Variants in CCDC183 observed in about 807,000 individuals in gnomAD.
The protein encoded by CCDC183 is coiled-coil domain containing 183.
A neutral mutation model predicts 65.2 loss-of-function variants in CCDC183; 63 were observed. The observed-to-expected ratio is 0.97, with a 90% CI of 0.79 to 1.19. The LOEUF is 1.19. CCDC183 is among the 50% of genes most tolerant of loss of function. The pLI is 0.00. For missense variants in CCDC183, 769 were observed against 689.3 expected (o/e 1.12, Z -1.30); for synonymous variants, 323 against 276.5 (o/e 1.17, Z -1.67).
intron 1 of CCDC183, among the ~76,000 whole-genome samples, chr9:136,798,359 G>A (rs1847684705): frequency 6.6e-6 from 1 of 151,506 alleles, no homozygotes; most frequent in Non-Finnish European, 1.5e-5. Flanking sequence ...GGAGTGCAGT[G>A]GTGCAATCTC....
rs527303480 is a variant in CCDC183, at chr9:136,797,867, C to T, written c.71-1235C>T. Among the ~76,000 whole-genome samples the T allele has an allele frequency of 2.4e-4, 36 of 152,302 alleles. No homozygotes were observed. In the South Asian group the frequency reaches 4.8e-3, roughly 20 times the overall value. On this transcript the variant is annotated intron_variant, in intron 1 of 13. Coordinates refer to ENST00000338005, the MANE Select transcript of CCDC183 (RefSeq NM_001039374.5). Reference sequence around the variant, plus strand: ...ACAGAGTCTCGCTCTGTCACGCAGGCTCGAGTGCAGTGGCATGATCTCGGC... The same window carrying T: ...ACAGAGTCTCGCTCTGTCACGCAGGTTCGAGTGCAGTGGCATGATCTCGGC...
At position 136,799,527 on chromosome 9, in the gene CCDC183, T is replaced by C. The variant is rs759618612; in HGVS notation, c.193-186T>C. The C allele has an allele frequency of 5.6e-4, 381 of 676,976 alleles. 3 individuals are homozygous for C. The highest frequency in any genetic ancestry group is 1.7e-4 in the Non-Finnish European group (68 of 401,980). The allele number at this position is 676,976 out of a possible 1,614,324, so 41.9% of individuals were successfully genotyped here. A position where few individuals can be genotyped will look rare whatever the true frequency, so the allele number is the denominator to read the frequency against. The stretch of plus-strand genomic sequence containing the variant: ...CCAGGCCCTCCTCTGCATACCCCCC[T>C]ACCACGTCGCCTCCGAACTTGGATG... On this transcript the variant is annotated intron_variant, in intron 2 of 13. Transcript: ENST00000338005.
At chr9:136,806,374 C>A in intron 10 of CCDC183, 130 bp from the exon 11 acceptor site, 1 of 1,401,440 alleles carries the variant, frequency 7.1e-7, no homozygotes, top group Non-Finnish European at 9.8e-7. Context: ...GGGGACTCCA[C>A]TTGCACACAC....
intron 1 of CCDC183, among the ~76,000 whole-genome samples, chr9:136,797,121 G>A (rs771704584): frequency 6.6e-4 from 100 of 152,354 alleles, no homozygotes; most frequent in Non-Finnish European, 4.4e-4. Flanking sequence ...CTAGAGGCAA[G>A]ATATGCTGGC....
rs11432245 is a variant in CCDC183, at chr9:136,803,282, T to TG, written c.666+500dup. The stretch of plus-strand genomic sequence containing the variant: ...TCAAGGTGAGCTCAGGGCCCAGGGC[T>TG]GGGGCCCCCCAGGGCGGGCTCTCTT... On this transcript the variant is annotated intron_variant, in intron 6 of 13. Transcript: ENST00000338005. Among the ~76,000 whole-genome samples the TG allele has an allele frequency of 3.4e-3, 128 of 37,992 alleles. 28 individuals carry two copies. Among genetic ancestry groups the TG allele is most frequent in the Middle Eastern group, 0.03 (2 of 66 alleles). The allele number at this position is 37,992 out of a possible 152,430, so 24.9% of individuals were successfully genotyped here. A position where few individuals can be genotyped will look rare whatever the true frequency, so the allele number is the denominator to read the frequency against.
chr9:136,797,768 T>A (rs1489592964), intron 1 of CCDC183, among the ~76,000 whole-genome samples: 1 of 152,154 alleles, frequency 6.6e-6, no homozygotes, highest in Non-Finnish European at 1.5e-5. Context: ...TCAGTCTTCA[T>A]CCCACCTGAC....
At chr9:136,796,978 A>G (rs181443696) in intron 1 of CCDC183, among the ~76,000 whole-genome samples, 49 of 152,288 alleles carry the variant, frequency 3.2e-4, no homozygotes, top group Non-Finnish European at 6.0e-4. Context: ...GTAGTGAAAG[A>G]GGGAGGCCTC....
Position 136,799,797 on chromosome 9 carries a change from A to G in CCDC183, c.270+7A>G. 1.9e-6 allele frequency: 3 copies of G among 1,611,910 alleles called. No individual in the cohort carries two copies. In the South Asian group the frequency reaches 3.3e-5, roughly 18 times the overall value. On this transcript the variant is annotated splice_region_variant and intron_variant, in intron 3 of 13. Coordinates refer to ENST00000338005, the MANE Select transcript of CCDC183 (RefSeq NM_001039374.5). ...CTGCCGCAGCACCATGGAGGTAACC[A>G]GGCAGGAGGGGCCTCGAGACCCAAC...
chr9:136,798,038 C>T (rs888358840), intron 1 of CCDC183, among the ~76,000 whole-genome samples: 2 of 152,224 alleles, frequency 1.3e-5, no homozygotes, highest in Non-Finnish European at 2.9e-5. Context: ...CGCAGTCTCG[C>T]TCTGTCACCC....
Position 136,806,847 on chromosome 9 carries a change from A to T in CCDC183, c.1369A>T (p.Met457Leu), listed in dbSNP as rs771594211. ...CACGTACCTGGCTGACAGAGTGCAG[A>T]TGGTGTCCAGGACCGAGGAGGTAGC... ...KLTYLADRVQ[M>L]VSRTEEGDTK... The change falls in exon 12 of 14, where the codon ATG (methionine) becomes TTG (leucine). Residue 457 changes from methionine to leucine, a missense_variant. Coordinates refer to ENST00000338005, the MANE Select transcript of CCDC183 (RefSeq NM_001039374.5). 9 of 1,613,362 alleles carry T rather than the reference A, an allele frequency of 5.6e-6. No individual in the cohort carries two copies. In the African/African-American group the frequency reaches 1.2e-4, roughly 22 times the overall value.
At chr9:136,799,829 C>T (rs373554114) in intron 3 of CCDC183, 39 bp downstream of exon 3, 15 of 1,569,344 alleles carry the variant, frequency 9.6e-6, no homozygotes, top group Non-Finnish European at 2.6e-6. Flanking sequence ...CAACCCTCCC[C>T]ACCCCTGCCA....
intron 2 of CCDC183, 149 bp downstream of exon 2, chr9:136,799,372 T>C (rs1161087687): frequency 7.9e-6 from 10 of 1,267,446 alleles, no homozygotes; most frequent in Non-Finnish European, 1.1e-5. Context: ...CTAGGACCTG[T>C]GCCCTGGGCT....
At chr9:136,806,479 G>A (rs1847852478) in intron 10 of CCDC183, 25 bp from the exon 11 acceptor site, 7 of 1,612,966 alleles carry the variant, frequency 4.3e-6, no homozygotes, top group Non-Finnish European at 5.9e-6. Flanking sequence ...GCCCCTCACT[G>A]CTGTGTCCCT....
intron 5 of CCDC183, 73 bp from the exon 6 acceptor site, chr9:136,802,587 TCTTA>T (rs1847753045): frequency 2.6e-6 from 4 of 1,534,704 alleles, no homozygotes; most frequent in Middle Eastern, 2.0e-4. Flanking sequence ...TTCTCAGGGC[TCTTA>T]GTCGGGGGAT....
In CCDC183 at chr9:136,804,662, TC is replaced by T; in HGVS notation, c.792+39del. The T allele has an allele frequency of 2.5e-6, 4 of 1,612,836 alleles. No individual in the cohort carries two copies. Among genetic ancestry groups the T allele is most frequent in the Non-Finnish European group, 3.4e-6 (4 of 1,179,456 alleles). On this transcript the variant is annotated intron_variant, in intron 7 of 13. Coordinates refer to ENST00000338005, the MANE Select transcript of CCDC183 (RefSeq NM_001039374.5). This position sits in a 1 kb window ranked among gnomAD's most constrained non-coding sequence, Gnocchi z 4.1. ...AGGCCAGGGCCTGGCTGGCTGCCCATCCCCATGACAGCTGGGTGGACACAGG... is the reference window on the plus strand; with the variant it reads ...AGGCCAGGGCCTGGCTGGCTGCCCATCCCATGACAGCTGGGTGGACACAGG...
chr9:136,799,060 T>C (rs751693691), intron 1 of CCDC183, 42 bp from the exon 2 acceptor site: 3 of 1,609,824 alleles, frequency 1.9e-6, no homozygotes, highest in Middle Eastern at 1.8e-4. Context: ...GCCAGGCCCT[T>C]GGCCCAATCC....
intron 1 of CCDC183, among the ~76,000 whole-genome samples, 177 bp from the exon 2 acceptor site, chr9:136,798,925 C>T (rs1371274653): frequency 6.6e-6 from 1 of 152,224 alleles, no homozygotes; most frequent in Non-Finnish European, 1.5e-5. Context: ...ACAGCTGCTG[C>T]TGGGCAGTGG....
At chr9:136,796,932 C>T (rs1442463104) in intron 1 of CCDC183, among the ~76,000 whole-genome samples, 1 of 151,250 alleles carries the variant, frequency 6.6e-6, no homozygotes, top group Non-Finnish European at 1.5e-5. Flanking sequence ...CTTACCATCC[C>T]CCAGCCCGAC....
chr9:136,799,052 C>T, intron 1 of CCDC183, 50 bp from the exon 2 acceptor site: 3 of 1,608,298 alleles, frequency 1.9e-6, no homozygotes, highest in Non-Finnish European at 8.5e-7. Flanking sequence ...GATTCCAGGC[C>T]AGGCCCTTGG....
Sources: allele counts gnomAD v4.1 joint callset (sites outside exome capture counted in the v4.1 genomes callset), GRCh38; gene constraint gnomAD v4.1.1; non-coding constraint Gnocchi (gnomAD v3.1); transcripts MANE v1.5; gene names NCBI Gene and HGNC (gene_info 2026-07-23, HGNC 2026-07-21).